ANXA13: variants seen among roughly 807,000 people sequenced by gnomAD.
ANXA13 encodes annexin XIII.
Under a neutral mutation model 46.6 loss-of-function variants are expected in ANXA13, and 36 were observed. That is an observed-to-expected ratio of 0.77 (90% CI 0.59 to 1.02). The LOEUF (loss-of-function observed/expected upper bound fraction) is 1.02, where lower values mean the gene tolerates loss of function less well. Ranked by LOEUF, ANXA13 falls within the 50% of genes least tolerant of loss-of-function variation. The pLI is 0.00. For synonymous variants in ANXA13, 163 were observed against 152.9 expected (o/e 1.07, Z -0.49); for missense variants, 417 against 396.5 (o/e 1.05, Z -0.44).
chr8:123,728,807 A>G (rs1814052940), intron 1 of ANXA13: 1 of 152,018 alleles, frequency 6.6e-6, no homozygotes, highest in African/African-American at 2.4e-5. Flanking sequence ...ATCCAAAAAA[A>G]TTAATTCTTT....
chr8:123,697,795 G>A (rs1187379524), intron 4 of ANXA13, among the ~76,000 whole-genome samples: 1 of 152,224 alleles, frequency 6.6e-6, no homozygotes, highest in Non-Finnish European at 1.5e-5. Context: ...GGCTTCTGGA[G>A]CCAGAGACAA....
chr8:123,705,507 T>C (rs1813522579), intron 2 of ANXA13, among the ~76,000 whole-genome samples: 1 of 152,196 alleles, frequency 6.6e-6, no homozygotes, highest in Non-Finnish European at 1.5e-5. Context: ...CTTCCTCTGT[T>C]TTGGCACAGC....
At chr8:123,702,853 T>C (rs766506306) in intron 2 of ANXA13, 117 bp from the exon 3 acceptor site, 170 of 883,850 alleles carry the variant, frequency 1.9e-4, no homozygotes, top group Admixed American at 9.4e-4. Flanking sequence ...GAGGTGTCTA[T>C]GGAACCCAAC....
At chr8:123,712,593 G>T in intron 2 of ANXA13, 85 bp downstream of exon 2, 1 of 1,170,494 alleles carries the variant, frequency 8.5e-7, no homozygotes, top group Admixed American at 1.7e-5. Context: ...TGAGATGTCA[G>T]CTTCCTAACA....
intron 8 of ANXA13, 132 bp downstream of exon 8, chr8:123,693,065 G>A: frequency 1.3e-6 from 1 of 772,144 alleles, no homozygotes; most frequent in East Asian, 2.5e-5. Context: ...CCCTAGGTAG[G>A]AAAATCGCCT....
intron 4 of ANXA13, among the ~76,000 whole-genome samples, chr8:123,697,526 G>T (rs557234038): frequency 6.6e-6 from 1 of 152,232 alleles, no homozygotes; most frequent in African/African-American, 2.4e-5. Flanking sequence ...AAAAGAGGCT[G>T]AGCAGCGTGA....
In ANXA13 at chr8:123,690,410, T is replaced by C. The variant is rs1043360013; in HGVS notation, c.643-1464A>G. On this transcript the variant is annotated intron_variant, in intron 8 of 10. Transcript: ENST00000419625. This position sits in a 1 kb window ranked among gnomAD's most constrained non-coding sequence, Gnocchi z 4.6. ...TGCCATTGGCATCTATACCATGTTT[T>C]TGCCCGCTCAGGTTTTTTCCTTGCA... Among the ~76,000 whole-genome samples the C allele has an allele frequency of 6.6e-6, 1 of 152,206 alleles. No individual in the cohort carries two copies. The highest frequency in any genetic ancestry group is 6.5e-5 in the Admixed American group (1 of 15,280).
Position 123,681,073 on chromosome 8 carries a change from CT to C in ANXA13, c.*166del, listed in dbSNP as rs1813026419. The C allele has an allele frequency of 3.4e-6, 3 of 878,766 alleles. No individual in the cohort carries two copies. The highest frequency in any genetic ancestry group is 2.7e-5 in the Admixed American group (1 of 36,780). 54.4% of individuals were successfully genotyped at this position (878,766 alleles called of 1,614,324 possible). A position where few individuals can be genotyped will look rare whatever the true frequency, so the allele number is the denominator to read the frequency against. ...GCCCTGCCCACGCATCTTAACGTTA[CT>C]GCCCTTAACTTACACAGCTTGGCCT... On this transcript the variant is annotated 3_prime_UTR_variant, in exon 11 of 11. Coordinates refer to ENST00000419625, the MANE Select transcript of ANXA13 (RefSeq NM_004306.4).
intron 1 of ANXA13, 24 bp from the exon 2 acceptor site, chr8:123,712,777 G>A (rs776640854): frequency 6.2e-7 from 1 of 1,607,748 alleles, no homozygotes; most frequent in East Asian, 2.2e-5. Flanking sequence ...TTGAAAAGGT[G>A]AGATGACAAT....
chr8:123,692,131 A>G (rs996382817), intron 8 of ANXA13, among the ~76,000 whole-genome samples: 1 of 152,062 alleles, frequency 6.6e-6, no homozygotes, highest in Non-Finnish European at 1.5e-5. Flanking sequence ...CTGGCAACAC[A>G]TAGGAAATGC....
chr8:123,696,569 C>A (rs796577936), intron 4 of ANXA13, among the ~76,000 whole-genome samples: 36 of 152,056 alleles, frequency 2.4e-4, no homozygotes, highest in African/African-American at 8.2e-4. Flanking sequence ...CCCCCCCCAC[C>A]ACCAAGCTGG....
At chr8:123,717,830 A>T (rs1271811717) in intron 1 of ANXA13, among the ~76,000 whole-genome samples, 1 of 152,216 alleles carries the variant, frequency 6.6e-6, no homozygotes, top group Non-Finnish European at 1.5e-5. Context: ...GCACAAGTCC[A>T]CACCTTACGT....
intron 1 of ANXA13, among the ~76,000 whole-genome samples, chr8:123,718,989 T>C (rs967798356): frequency 3.9e-5 from 6 of 152,226 alleles, no homozygotes; most frequent in African/African-American, 1.4e-4. Context: ...CAAGGAAGTC[T>C]TAACTCTTAT....
chr8:123,705,288 CA>C (rs1813519569), intron 2 of ANXA13, among the ~76,000 whole-genome samples: 1 of 152,210 alleles, frequency 6.6e-6, no homozygotes, highest in African/African-American at 2.4e-5. Context: ...CTCTGCAGTC[CA>C]CCCTGGGAAG....
At chr8:123,699,447 G>A (rs1179542592) in intron 3 of ANXA13, among the ~76,000 whole-genome samples, 1 of 152,216 alleles carries the variant, frequency 6.6e-6, no homozygotes, top group African/African-American at 2.4e-5. Context: ...CTCTCAAAGT[G>A]CTGGGATTAT....
chr8:123,719,445 G>A (rs781262608), intron 1 of ANXA13, among the ~76,000 whole-genome samples: 4 of 152,132 alleles, frequency 2.6e-5, no homozygotes, highest in Non-Finnish European at 4.4e-5. Context: ...CATGATTTAT[G>A]AAGCATAGTC....
chr8:123,723,104 A>G (rs572281099), intron 1 of ANXA13, among the ~76,000 whole-genome samples: 1 of 152,310 alleles, frequency 6.6e-6, no homozygotes, highest in East Asian at 1.9e-4. Flanking sequence ...TAGGTAAAAT[A>G]TCACTTCTCC....
intron 1 of ANXA13, chr8:123,735,653 G>T: frequency 7.6e-7 from 1 of 1,320,870 alleles, no homozygotes; most frequent in Non-Finnish European, 9.9e-7. Flanking sequence ...ATGGCTGGTG[G>T]CTGGTGGAGG....
chr8:123,732,542 T>A (rs1814139441), intron 1 of ANXA13, among the ~76,000 whole-genome samples: 1 of 152,220 alleles, frequency 6.6e-6, no homozygotes, highest in Non-Finnish European at 1.5e-5. Flanking sequence ...TTCTCTCCCC[T>A]GCACCAAGTG....
Sources: gnomAD v4.1 joint callset for allele counts (sites outside exome capture counted in the v4.1 genomes callset) on GRCh38, gnomAD v4.1.1 for gene constraint, Gnocchi (gnomAD v3.1) non-coding constraint, MANE v1.5 for transcripts, NCBI Gene and HGNC (gene_info 2026-07-23, HGNC 2026-07-21) for gene names.